ZNF335: variants seen among roughly 807,000 people sequenced by gnomAD.
The protein encoded by ZNF335 is zinc finger protein 335.
Under a neutral mutation model 145.6 loss-of-function variants are expected in ZNF335, and 84 were observed. That is an observed-to-expected ratio of 0.58 (90% CI 0.48 to 0.69). The LOEUF (loss-of-function observed/expected upper bound fraction) is 0.69. ZNF335 is among the 30% of genes least tolerant of loss of function. The probability of loss-of-function intolerance (pLI) is 0.00; values close to 1 mark genes in which losing one functional copy is unlikely to be tolerated. For missense variants in ZNF335, 1,865 were observed against 1,809.7 expected (o/e 1.03, Z -0.55); for synonymous variants, 761 against 717.0 (o/e 1.06, Z -0.98).
chr20:45,964,043 G>A lies in ZNF335; in HGVS notation c.1103-53C>T, dbSNP rs955253947. The A allele has an allele frequency of 1.3e-5, 19 of 1,502,806 alleles. No homozygotes were observed. The East Asian group carries it at 2.8e-4, about 22-fold the overall frequency. The allele number at this position is 1,502,806 out of a possible 1,614,324, so 93.1% of individuals were successfully genotyped here. On this transcript the variant is annotated intron_variant, in intron 7 of 27. Coordinates refer to ENST00000322927, the MANE Select transcript of ZNF335 (RefSeq NM_022095.4). Reference sequence around the variant, plus strand: ...CAGCCACTGACACACCAGGACAGACGTGGACAAGTGGGCCAGAGGCCAGCC... The same window carrying A: ...CAGCCACTGACACACCAGGACAGACATGGACAAGTGGGCCAGAGGCCAGCC...
chr20:45,959,984 A>G (rs1600533799), intron 14 of ZNF335, among the ~76,000 whole-genome samples: 1 of 152,342 alleles, frequency 6.6e-6, no homozygotes, highest in East Asian at 1.9e-4. Context: ...GGAGAGGGCA[A>G]GCGACCGGCC....
chr20:45,949,038 C>T lies in ZNF335; in HGVS notation c.3944G>A (p.Gly1315Asp), dbSNP rs1364852674. Residue 1315 changes from glycine to aspartate, a missense_variant, in exon 28 of 28, where the codon GGT becomes GAT. Transcript: ENST00000322927. ...AAMAQAQGLFGTDETVPEHIQ... is the reference protein window; with the variant it reads ...AAMAQAQGLFDTDETVPEHIQ... The stretch of plus-strand genomic sequence containing the variant: ...GTGTTCGGGCACTGTCTCGTCTGTA[C>T]CAAACAGGCCCTGGGCTTGGGCCAT... 3 of 1,613,848 alleles carry T rather than the reference C, an allele frequency of 1.9e-6. No homozygotes were observed. The highest frequency in any genetic ancestry group is 2.2e-5 in the East Asian group (1 of 44,876).
chr20:45,963,499 G>A lies in ZNF335; in HGVS notation c.1507C>T (p.Arg503Cys), dbSNP rs778288759. The A allele has an allele frequency of 5.6e-6, 9 of 1,613,142 alleles. No individual in the cohort carries two copies. Among genetic ancestry groups the A allele is most frequent in the Admixed American group, 1.7e-5 (1 of 60,002 alleles). ...TTGAGCGAGGACCAGCGGCGGGAACGATAGCTGCACTGCAGGCACTTGAAG... is the reference window on the plus strand; with the variant it reads ...TTGAGCGAGGACCAGCGGCGGGAACAATAGCTGCACTGCAGGCACTTGAAG... ...QLFKCLQCSY[R>C]SRRWSSLKEH... The change falls in exon 9 of 28, where the codon CGT (arginine) becomes TGT (cysteine). Residue 503 changes from arginine to cysteine, a missense_variant. By Grantham distance (180) the Arg-to-Cys change is radical (BLOSUM62 -3). Coordinates refer to ENST00000322927, the MANE Select transcript of ZNF335 (RefSeq NM_022095.4).
rs368908636 is a variant in ZNF335 at position 45,971,444 on chromosome 20, G to A, written c.-34C>T. ...CGGGCTGCCTGACAGCGGGGCGTAG[G>A]GTCTGGGAACTTCACTCTGAGAAGA... is the stretch of plus-strand genomic sequence containing the variant. On this transcript the variant is annotated 5_prime_UTR_variant, in exon 2 of 28. Transcript: ENST00000322927. 5.1e-5 allele frequency: 82 copies of A among 1,595,762 alleles called. No individual in the cohort carries two copies. The Admixed American group carries it at 6.0e-4, about 12-fold the overall frequency.
At position 45,968,037 on chromosome 20, in the gene ZNF335, G is replaced by T; in HGVS notation, c.521-10C>A. ...GATGTCATGGGGGCTCCTGGGGATG[G>T]GTGAGGCAATTGGAGGGTGGTTAAA... On this transcript the variant is annotated splice_polypyrimidine_tract_variant and intron_variant, in intron 4 of 27. Transcript: ENST00000322927. 1 of 1,612,336 alleles carries T rather than the reference G, an allele frequency of 6.2e-7. No homozygotes were observed. The highest frequency in any genetic ancestry group is 8.5e-7 in the Non-Finnish European group (1 of 1,179,990).
intron 17 of ZNF335, among the ~76,000 whole-genome samples, chr20:45,956,026 C>G (rs2083722712): frequency 6.6e-6 from 1 of 151,996 alleles, no homozygotes; most frequent in South Asian, 2.1e-4. Flanking sequence ...GCATCACATG[C>G]TGTTAGGTAA....
chr20:45,961,252 G>A (rs1420481027), intron 10 of ZNF335, among the ~76,000 whole-genome samples: 1 of 152,148 alleles, frequency 6.6e-6, no homozygotes, highest in Non-Finnish European at 1.5e-5. Flanking sequence ...TTAGCCGGGT[G>A]TGCTGGTTAG....
In ZNF335 at chr20:45,950,455, CT is replaced by C; in HGVS notation, c.3329del (p.Gln1110ArgfsTer42). 6.2e-7 allele frequency: 1 copy of C among 1,614,218 alleles called. No individual in the cohort carries two copies. Among genetic ancestry groups the C allele is most frequent in the South Asian group, 1.1e-5 (1 of 91,084 alleles). ...CACCCACCAGTATCTGGCCTCACCG[CT>C]GCCCGCAGAGGTGGCATGCAAAAGG... ...EKPFACHLCGQRFNRNGHLKF... is the reference protein window; with the variant it reads ...EKPFACHLCGXRFNRNGHLKF... On this transcript the variant is annotated frameshift_variant, in exon 21 of 28. Transcript: ENST00000322927. LOFTEE classifies it high-confidence loss of function.
At chr20:45,962,769 A>G (rs1341378371) in intron 9 of ZNF335, among the ~76,000 whole-genome samples, 3 of 149,562 alleles carry the variant, frequency 2.0e-5, no homozygotes, top group African/African-American at 7.5e-5. Context: ...TGCAGGCCAC[A>G]TGGTAGCTTG....
chr20:45,967,399 T>G (rs756125354), intron 6 of ZNF335, 95 bp downstream of exon 6: 1 of 1,592,082 alleles, frequency 6.3e-7, no homozygotes, highest in Non-Finnish European at 8.6e-7. Flanking sequence ...GATGTGTCTG[T>G]GCCAATTCCT....
In ZNF335 at chr20:45,953,761, C is replaced by A; in HGVS notation, c.2630G>T (p.Gly877Val). Reference protein sequence around the residue: ...PQITLAPGPFGGTGYSVITAP... With the variant: ...PQITLAPGPFVGTGYSVITAP... Reference sequence around the variant, plus strand: ...TGTGATGACACTGTAGCCAGTCCCACCAAATGGACCAGGTGCCAGGGTGAT... The same window carrying A: ...TGTGATGACACTGTAGCCAGTCCCAACAAATGGACCAGGTGCCAGGGTGAT... Residue 877 changes from glycine to valine, a missense_variant, in exon 18 of 28, where the codon GGT becomes GTT. Coordinates refer to ENST00000322927, the MANE Select transcript of ZNF335 (RefSeq NM_022095.4). The A allele has an allele frequency of 6.2e-7, 1 of 1,614,172 alleles. No individual in the cohort carries two copies. Among genetic ancestry groups the A allele is most frequent in the Non-Finnish European group, 8.5e-7 (1 of 1,180,030 alleles).
Position 45,969,659 on chromosome 20 carries a change from G to A in ZNF335, c.234C>T (p.Asp78=), listed in dbSNP as rs139506216. The A allele has an allele frequency of 1.2e-6, 2 of 1,612,130 alleles. No individual in the cohort carries two copies. Among genetic ancestry groups the A allele is most frequent in the African/African-American group, 1.3e-5 (1 of 75,066 alleles). ...EEVSESSSSA[D]PLPNSYLPDS... The stretch of plus-strand genomic sequence containing the variant: ...CAGGGAGGTAGCTATTAGGCAGGGG[G>A]TCTGCGCTCGAGCTGCTCTCAGATA... Residue 78 remains aspartate, a synonymous_variant, in exon 3 of 28, where the codon GAC becomes GAT. Coordinates refer to ENST00000322927, the MANE Select transcript of ZNF335 (RefSeq NM_022095.4).
chr20:45,959,975 G>T (rs1221990343), intron 14 of ZNF335, among the ~76,000 whole-genome samples: 1 of 152,240 alleles, frequency 6.6e-6, no homozygotes, highest in Non-Finnish European at 1.5e-5. Context: ...GGAAGGCTCG[G>T]AGAGGGCAAG....
In ZNF335 at chr20:45,949,577, G is replaced by C. The variant is rs779476380; in HGVS notation, c.3670-9C>G. ...GAGATGATATACTGCACCTGTTGGT[G>C]GGGGGGGCGGGCATGGCGAGGCAGG... On this transcript the variant is annotated splice_polypyrimidine_tract_variant and intron_variant, in intron 24 of 27. Coordinates refer to ENST00000322927, the MANE Select transcript of ZNF335 (RefSeq NM_022095.4). 1 of 1,594,334 alleles carries C rather than the reference G, an allele frequency of 6.3e-7. No individual in the cohort carries two copies. The highest frequency in any genetic ancestry group is 1.7e-4 in the Middle Eastern group (1 of 5,898).
chr20:45,959,644 T>C (rs1172916958), intron 14 of ZNF335, among the ~76,000 whole-genome samples: 1 of 152,180 alleles, frequency 6.6e-6, no homozygotes, highest in Non-Finnish European at 1.5e-5. Context: ...TTCCTGTGCC[T>C]ACCTATTTGC....
intron 15 of ZNF335, among the ~76,000 whole-genome samples, chr20:45,958,894 T>A (rs923836777): frequency 2.6e-5 from 4 of 152,192 alleles, no homozygotes; most frequent in Non-Finnish European, 5.9e-5. Flanking sequence ...GCAAAGATAC[T>A]GAGAACTTAT....
rs970308093 is a variant in ZNF335 at position 45,949,831 on chromosome 20, G to T, written c.3638C>A (p.Thr1213Asn). ...IQEITTADGQ[T>N]VQHLVTSDNQ... ...GTCGGAGGTCACCAGGTGCTGTACG[G>T]TCTGGCCATCTGCCGTGGTGATCTC... The change falls in exon 24 of 28, where the codon ACC (threonine) becomes AAC (asparagine). Residue 1213 changes from threonine to asparagine, a missense_variant. Thr to Asn is a moderately conservative substitution (Grantham distance 65). Coordinates refer to ENST00000322927, the MANE Select transcript of ZNF335 (RefSeq NM_022095.4). The T allele has an allele frequency of 3.1e-6, 5 of 1,614,008 alleles. No homozygotes were observed. Among genetic ancestry groups the T allele is most frequent in the Non-Finnish European group, 4.2e-6 (5 of 1,180,018 alleles).
At position 45,950,693 on chromosome 20, in the gene ZNF335, G is replaced by A; in HGVS notation, c.3190-98C>T. ...ACAGCTGGTCAGGGAACCAGACAAA[G>A]TGGACCTGGGAAAACCAAAATCCTG... On this transcript the variant is annotated intron_variant, in intron 20 of 27. Coordinates refer to ENST00000322927, the MANE Select transcript of ZNF335 (RefSeq NM_022095.4). The A allele has an allele frequency of 4.5e-6, 7 of 1,548,912 alleles. No homozygotes were observed. In the East Asian group the frequency reaches 1.4e-4, roughly 30 times the overall value.
In ZNF335 at chr20:45,959,216, G is replaced by A. The variant is rs1205214440; in HGVS notation, c.2238C>T (p.Ser746=). Residue 746 remains serine (S), a synonymous_variant, in exon 15 of 28, where the codon TCC becomes TCT. Coordinates refer to ENST00000322927, the MANE Select transcript of ZNF335 (RefSeq NM_022095.4). The part of the protein sequence containing the change: ...HSAAPGPPPS[S]PGPPEIPPEA... The stretch of plus-strand genomic sequence containing the variant: ...CCGACCTTACCTCAGGAGGTCCTGG[G>A]GAACTGGGAGGTGGTCCAGGGGCCG... The A allele has an allele frequency of 5.8e-6, 8 of 1,374,280 alleles. No individual in the cohort carries two copies. The African/African-American group carries it at 7.4e-5, about 13-fold the overall frequency. 85.1% of individuals were successfully genotyped at this position (1,374,280 alleles called of 1,614,324 possible). A position where few individuals can be genotyped will look rare whatever the true frequency, so the allele number is the denominator to read the frequency against.
Sources: allele counts gnomAD v4.1 joint callset (sites outside exome capture counted in the v4.1 genomes callset), GRCh38; gene constraint gnomAD v4.1.1; transcripts MANE v1.5; gene names NCBI Gene and HGNC (gene_info 2026-07-23, HGNC 2026-07-21).